The following MROH1 variants were observed in gnomAD, a reference collection of about 807,000 sequenced individuals.
The protein encoded by MROH1 is maestro heat-like repeat-containing protein family member 1.
MROH1 carries 117 observed loss-of-function variants against 116.5 expected under a neutral mutation model. The ratio of observed to expected loss-of-function variants is 1.00; its 90% CI spans 0.86 to 1.17. MROH1 has a LOEUF of 1.17. Ranked by LOEUF, MROH1 falls within the 50% of genes most tolerant of loss-of-function variation. MROH1 has a pLI of 0.00. For missense variants in MROH1, 1,873 were observed against 1,338.5 expected (o/e 1.40, Z -6.23); for synonymous variants, 921 against 583.9 (o/e 1.58, Z -8.32).
At chr8:144,214,169 C>T (rs1189004230) in intron 12 of MROH1, 1 of 152,242 alleles carries the variant, frequency 6.6e-6, no homozygotes, top group Non-Finnish European at 1.5e-5. Flanking sequence ...GAGGCTCTTC[C>T]AGCCTGGAAT....
At chr8:144,250,698 A>T in intron 33 of MROH1, 3 of 434,242 alleles carry the variant, frequency 6.9e-6, no homozygotes, top group South Asian at 6.2e-5. Flanking sequence ...CACACACTGG[A>T]GGCTGCCCCT....
intron 7 of MROH1, among the ~76,000 whole-genome samples, chr8:144,189,462 A>G (rs1485784476): frequency 6.6e-6 from 1 of 152,056 alleles, no homozygotes; most frequent in Non-Finnish European, 1.5e-5. Flanking sequence ...AGTTCGGCCC[A>G]TGTCCTGGGC....
chr8:144,198,860 C>T (rs576380964), intron 10 of MROH1, among the ~76,000 whole-genome samples: 2 of 152,190 alleles, frequency 1.3e-5, no homozygotes, highest in African/African-American at 4.8e-5. Context: ...TGTGTGTCTG[C>T]CTGTTGCTGC....
At chr8:144,186,458 G>C (rs1827193625) in intron 7 of MROH1, among the ~76,000 whole-genome samples, 1 of 152,090 alleles carries the variant, frequency 6.6e-6, no homozygotes, top group African/African-American at 2.4e-5. Context: ...CACCACAAAA[G>C]AGATCCAGGG....
In MROH1 at chr8:144,223,245, C is replaced by A; in HGVS notation, c.1338+15C>A. 1 of 1,585,506 alleles carries A rather than the reference C, an allele frequency of 6.3e-7. No homozygotes were observed. The highest frequency in any genetic ancestry group is 8.6e-7 in the Non-Finnish European group (1 of 1,166,912). ...CCGAGCAGGAGGTAAGGGGCTGCCACCTTGCCTGCCTCCTAGGCCCACGCT... is the reference window on the plus strand; with the variant it reads ...CCGAGCAGGAGGTAAGGGGCTGCCAACTTGCCTGCCTCCTAGGCCCACGCT... On this transcript the variant is annotated intron_variant, in intron 14 of 43. Coordinates refer to ENST00000326134, the MANE Select transcript of MROH1 (RefSeq NM_032450.3).
At chr8:144,233,751 C>A (rs1554823666) in intron 14 of MROH1, among the ~76,000 whole-genome samples, 1 of 152,224 alleles carries the variant, frequency 6.6e-6, no homozygotes, top group Admixed American at 6.5e-5. Context: ...TTCATGGACA[C>A]TCGGGGTGCT....
chr8:144,224,036 G>A (rs1837326602), intron 14 of MROH1, among the ~76,000 whole-genome samples: 1 of 152,150 alleles, frequency 6.6e-6, no homozygotes, highest in Admixed American at 6.6e-5. Context: ...CCAGCAGGTG[G>A]GCCGCCACCA....
At chr8:144,213,448 TAAAC>T (rs1834606411) in intron 12 of MROH1, 1 of 217,596 alleles carries the variant, frequency 4.6e-6, no homozygotes, top group African/African-American at 2.3e-5. Context: ...CAAAAACAAA[TAAAC>T]AGGATGCCCC....
intron 7 of MROH1, among the ~76,000 whole-genome samples, chr8:144,186,387 G>T (rs1385529375): frequency 1.3e-5 from 2 of 152,134 alleles, no homozygotes; most frequent in African/African-American, 2.4e-5. Context: ...CTCCCAAAGT[G>T]CTGGGATTAC....
chr8:144,245,377 C>T (rs1401196184), intron 29 of MROH1, 117 bp downstream of exon 29: 1 of 688,522 alleles, frequency 1.5e-6, no homozygotes, highest in Non-Finnish European at 2.6e-6. Flanking sequence ...CAGTCCTCTT[C>T]CTTGAGACCT....
intron 14 of MROH1, among the ~76,000 whole-genome samples, chr8:144,232,981 C>A (rs1554823365): frequency 6.6e-6 from 1 of 151,888 alleles, no homozygotes; most frequent in East Asian, 1.9e-4. Context: ...TGGGCACCAC[C>A]ACACCTGGCT....
At chr8:144,195,294 G>A (rs1026066540) in intron 10 of MROH1, among the ~76,000 whole-genome samples, 1 of 148,560 alleles carries the variant, frequency 6.7e-6, no homozygotes, top group Non-Finnish European at 1.5e-5. Context: ...GAGGTCAGGA[G>A]ATCGAGACCA....
intron 34 of MROH1, 81 bp from the exon 35 acceptor site, chr8:144,255,417 CAGGCGAAGGGG>C: frequency 1.4e-6 from 1 of 710,482 alleles, no homozygotes; most frequent in Non-Finnish European, 2.6e-6. Context: ...GCACATGATG[CAGGCGAAGGGG>C]GATGCAGTCT....
At chr8:144,228,813 T>A (rs914310925) in intron 14 of MROH1, among the ~76,000 whole-genome samples, 1 of 152,252 alleles carries the variant, frequency 6.6e-6, no homozygotes, top group Admixed American at 6.5e-5. Flanking sequence ...TGATTGACTC[T>A]TCTGTTCACA....
At chr8:144,183,889 C>A (rs1478807010) in intron 7 of MROH1, among the ~76,000 whole-genome samples, 1 of 151,954 alleles carries the variant, frequency 6.6e-6, no homozygotes, top group East Asian at 1.9e-4. Context: ...CCTCGTGATC[C>A]GCCCGCCTCG....
chr8:144,247,935 C>T (rs1189033375), intron 31 of MROH1, among the ~76,000 whole-genome samples: 4 of 152,252 alleles, frequency 2.6e-5, no homozygotes, highest in Non-Finnish European at 5.9e-5. Flanking sequence ...TGGCAGAGGC[C>T]AAGGAGAGAA....
intron 24 of MROH1, among the ~76,000 whole-genome samples, chr8:144,242,942 C>T (rs1481295325): frequency 6.6e-6 from 1 of 152,208 alleles, no homozygotes; most frequent in East Asian, 1.9e-4. Flanking sequence ...CTCCCCAGTG[C>T]TCATGGGGGC....
chr8:144,256,769 G>A (rs1843906513), intron 35 of MROH1, among the ~76,000 whole-genome samples: 1 of 152,248 alleles, frequency 6.6e-6, no homozygotes, highest in Non-Finnish European at 1.5e-5. Context: ...CACAAACAAG[G>A]GAGGCACCCT....
At chr8:144,239,574 C>T in intron 17 of MROH1, 40 bp from the exon 18 acceptor site, 1 of 768,564 alleles carries the variant, frequency 1.3e-6, no homozygotes, top group East Asian at 2.5e-5. Context: ...ATGACCAGTG[C>T]TCCCTGCTCA....
Sources: allele counts gnomAD v4.1 joint callset (sites outside exome capture counted in the v4.1 genomes callset), GRCh38; gene constraint gnomAD v4.1.1; transcripts MANE v1.5; gene names NCBI Gene and HGNC (gene_info 2026-07-23, HGNC 2026-07-21).